Variants in SHROOM3 observed in about 807,000 individuals in gnomAD.
SHROOM3 encodes the protein shroom family member 3.
In SHROOM3, 47 loss-of-function variants were observed where a neutral mutation model predicts 138.6. The ratio of observed to expected loss-of-function variants is 0.34; its 90% CI spans 0.27 to 0.43. SHROOM3 has a LOEUF of 0.43. Ranked by LOEUF, SHROOM3 falls within the 20% of genes least tolerant of loss-of-function variation. The pLI is 1.00. For missense variants in SHROOM3, 2,491 were observed against 2,596.5 expected (o/e 0.96, Z 0.88); for synonymous variants, 1,062 against 1,063.3 (o/e 1.00, Z 0.02).
chr4:76,662,986 T>G (rs1718581676), intron 2 of SHROOM3, among the ~76,000 whole-genome samples: 1 of 152,030 alleles, frequency 6.6e-6, no homozygotes, highest in African/African-American at 2.4e-5. Context: ...AGTTGGTTAC[T>G]GAGAGCCATG....
chr4:76,549,053 T>C (rs2110025194), intron 1 of SHROOM3, among the ~76,000 whole-genome samples: 1 of 152,368 alleles, frequency 6.6e-6, no homozygotes, highest in South Asian at 2.1e-4. Flanking sequence ...CTGAATCTTG[T>C]TGACAGAGAG....
intron 10 of SHROOM3, among the ~76,000 whole-genome samples, chr4:76,776,979 A>G (rs770014614): frequency 1.3e-5 from 2 of 152,134 alleles, no homozygotes; most frequent in South Asian, 2.1e-4. Context: ...CACTAATACC[A>G]TGCTGTTTTG....
In SHROOM3 at chr4:76,753,352, T is replaced by G. The variant is rs143673679; in HGVS notation, c.3828-959T>G. Among the ~76,000 whole-genome samples, 26 of 152,336 alleles carry G rather than the reference T, an allele frequency of 1.7e-4. No homozygotes were observed. The East Asian group carries it at 4.8e-3, about 28-fold the overall frequency. ...TTCTGTTTGCCTGGCACTTGGATGA[T>G]CTTGTGGCAAGCCCTGTGTTATTGC... On this transcript the variant is annotated intron_variant, in intron 6 of 10. Coordinates refer to ENST00000296043, the MANE Select transcript of SHROOM3 (RefSeq NM_020859.4).
At chr4:76,592,776 A>G (rs1220005726) in intron 2 of SHROOM3, among the ~76,000 whole-genome samples, 1 of 152,168 alleles carries the variant, frequency 6.6e-6, no homozygotes, top group African/African-American at 2.4e-5. Context: ...TGATCTCACA[A>G]CGTACTCATG....
In SHROOM3 at chr4:76,756,686, G is replaced by A. The variant is rs760614147; in HGVS notation, c.4947G>A (p.Gln1649=). The change falls in exon 8 of 11, where the codon CAG becomes CAA. Residue 1649 remains glutamine, a synonymous_variant. Coordinates refer to ENST00000296043, the MANE Select transcript of SHROOM3 (RefSeq NM_020859.4). ...GCCATGATCCAGTCAGTGGAACTCA[G>A]GGTTTAGAAAAGAAAGTCAGTCCTG... ...SLSHDPVSGT[Q]GLEKKVSPDP... 6.2e-7 allele frequency: 1 copy of A among 1,614,046 alleles called. No homozygotes were observed. Among genetic ancestry groups the A allele is most frequent in the South Asian group, 1.1e-5 (1 of 91,054 alleles).
rs971737479 is a variant in SHROOM3, at chr4:76,780,435, T to C, written c.*1258T>C. On this transcript the variant is annotated 3_prime_UTR_variant, in exon 11 of 11. Transcript: ENST00000296043. ...GCTGTGCTAGAGGTAGATTTGTTTTTTCACGTTTGATCTGTGGCTGGTGGC... is the reference window on the plus strand; with the variant it reads ...GCTGTGCTAGAGGTAGATTTGTTTTCTCACGTTTGATCTGTGGCTGGTGGC... 6.6e-6 allele frequency: 1 copy of C among 152,150 alleles called. No individual in the cohort carries two copies. The highest frequency in any genetic ancestry group is 2.4e-5 in the African/African-American group (1 of 41,428). 9.4% of individuals were successfully genotyped at this position (152,150 alleles called of 1,614,324 possible).
intron 2 of SHROOM3, among the ~76,000 whole-genome samples, chr4:76,585,030 A>G (rs1252306249): frequency 6.6e-6 from 1 of 152,218 alleles, no homozygotes; most frequent in Non-Finnish European, 1.5e-5. Flanking sequence ...CAAGTGGAAC[A>G]TTCTAGAGAG....
At chr4:76,657,034 G>A (rs1429511978) in intron 2 of SHROOM3, among the ~76,000 whole-genome samples, 1 of 152,014 alleles carries the variant, frequency 6.6e-6, no homozygotes, top group Non-Finnish European at 1.5e-5. Flanking sequence ...AAAATTAGAT[G>A]GGCGTGGTGG....
rs71212436 is a variant in SHROOM3, at chr4:76,631,203, C to CTT, written c.323+75460_323+75461dup. On this transcript the variant is annotated intron_variant, in intron 2 of 10. Transcript: ENST00000296043. The stretch of plus-strand genomic sequence containing the variant: ...GAAAGACAGGTGACTTTTTTTTAAT[C>CTT]TTTTTTTTTTTTTTTTTTTTTGAGA... 7.2e-4 allele frequency among the ~76,000 whole-genome samples: 75 copies of CTT among 104,196 alleles called. 1 individual carries two copies. The highest frequency in any genetic ancestry group is 1.6e-3 in the African/African-American group (41 of 24,970). 68.4% of individuals were successfully genotyped at this position (104,196 alleles called of 152,430 possible).
intron 9 of SHROOM3, among the ~76,000 whole-genome samples, chr4:76,760,181 C>T (rs762791247): frequency 2.5e-4 from 38 of 152,210 alleles, no homozygotes; most frequent in Non-Finnish European, 2.5e-4. Context: ...ACCTTTATAT[C>T]TTCCCCAGCC....
intron 1 of SHROOM3, among the ~76,000 whole-genome samples, chr4:76,448,341 G>T (rs903370546): frequency 6.6e-6 from 1 of 152,140 alleles, no homozygotes; most frequent in African/African-American, 2.4e-5. Flanking sequence ...GCATGTTCTC[G>T]TTTTTTCTTC....
chr4:76,595,764 T>G (rs73828190), intron 2 of SHROOM3, among the ~76,000 whole-genome samples: 34,062 of 151,964 alleles, frequency 0.22, 4,485 homozygotes, highest in African/African-American at 0.36. Flanking sequence ...GATCCTGCAA[T>G]GGAATCAAAA....
At chr4:76,436,351 C>A in intron 1 of SHROOM3, 131 bp downstream of exon 1, 1 of 879,176 alleles carries the variant, frequency 1.1e-6, no homozygotes, top group Non-Finnish European at 1.7e-6. Context: ...TTCTGATTAT[C>A]TAGAAATATT....
intron 1 of SHROOM3, among the ~76,000 whole-genome samples, chr4:76,530,582 T>C (rs549641489): frequency 3.3e-5 from 5 of 152,346 alleles, no homozygotes; most frequent in Admixed American, 1.3e-4. Context: ...CCTTTCCTCT[T>C]TTCTGAGCAG....
chr4:76,681,597 GTGT>G (rs1454142794), intron 2 of SHROOM3, among the ~76,000 whole-genome samples: 1 of 118,452 alleles, frequency 8.4e-6, no homozygotes, highest in Admixed American at 8.9e-5. Context: ...AGTCTAGGGT[GTGT>G]GTGTGTGTGT....
At chr4:76,677,568 G>A (rs1719075782) in intron 2 of SHROOM3, among the ~76,000 whole-genome samples, 1 of 152,290 alleles carries the variant, frequency 6.6e-6, no homozygotes, top group African/African-American at 2.4e-5. Context: ...AATAGACAAT[G>A]GCGCAACTCT....
chr4:76,542,952 G>T (rs958508132), intron 1 of SHROOM3, among the ~76,000 whole-genome samples: 1 of 152,130 alleles, frequency 6.6e-6, no homozygotes, highest in Admixed American at 6.6e-5. Flanking sequence ...AGGCCCAAAG[G>T]CCTAAGAGAC....
chr4:76,741,718 A>G lies in SHROOM3; in HGVS notation c.3545A>G (p.Glu1182Gly). ...TTCGCCGGTGGCCGCCGCCTCGGGG[A>G]ACGGCGACGCGGGGACCTGCTTAGC... is the stretch of plus-strand genomic sequence containing the variant. Reference protein sequence around the residue: ...SSFAGGRRLGERRRGDLLSGA... With the variant: ...SSFAGGRRLGGRRRGDLLSGA... Residue 1182 changes from glutamate to glycine, a missense_variant, in exon 5 of 11, where the codon GAA becomes GGA. Physicochemically the swap from Glu to Gly is moderately conservative, Grantham distance 98. This residue lies in a region of SHROOM3 where 1,733 missense variants were observed against 1,661.6 expected (regional missense o/e 1.04). Coordinates refer to ENST00000296043, the MANE Select transcript of SHROOM3 (RefSeq NM_020859.4). This position sits in a 1 kb window ranked among gnomAD's most constrained non-coding sequence, Gnocchi z 6.2. The G allele has an allele frequency of 1.9e-6, 3 of 1,554,880 alleles. No homozygotes were observed. Among genetic ancestry groups the G allele is most frequent in the Non-Finnish European group, 2.6e-6 (3 of 1,150,176 alleles).
intron 2 of SHROOM3, among the ~76,000 whole-genome samples, chr4:76,646,225 A>AATATATATATATATATATATATATATAT (rs371944513): frequency 7.3e-5 from 7 of 96,156 alleles, no homozygotes; most frequent in African/African-American, 1.8e-4. Context: ...ATAATAAATA[A>AATATATATATATATATATATATATATAT]ATATATATAT....
Sources: gnomAD v4.1 joint callset for allele counts (sites outside exome capture counted in the v4.1 genomes callset) on GRCh38, gnomAD v4.1.1 for gene constraint, gnomAD v4.1.1 regional missense constraint, Gnocchi (gnomAD v3.1) non-coding constraint, MANE v1.5 for transcripts, NCBI Gene and HGNC (gene_info 2026-07-23, HGNC 2026-07-21) for gene names.